The following PRR36 variants were observed in gnomAD, a reference collection of about 807,000 sequenced individuals.
PRR36 encodes the protein proline-rich protein 36.
PRR36 carries 30 observed loss-of-function variants against 58.6 expected under a neutral mutation model. That is an observed-to-expected ratio of 0.51 (90% confidence interval 0.38 to 0.69). PRR36 has a LOEUF of 0.69. Among genes scored for constraint, PRR36 ranks in the 30% least tolerant of loss-of-function variants. The pLI is 0.00. For missense variants in PRR36, 1,692 were observed against 1,805.6 expected, an observed-to-expected ratio of 0.94 and a Z score of 1.14; for synonymous variants, 771 against 829.3, an observed-to-expected ratio of 0.93 and a Z score of 1.21.
rs1297788021 is a variant in PRR36, at chr19:7,873,331, C to T, written c.272-32G>A. On this transcript the variant is annotated intron_variant, in intron 2 of 5. Transcript: ENST00000618550. The surrounding 1 kb of genome is among the most constrained non-coding windows in gnomAD (Gnocchi z 5.0). The stretch of plus-strand genomic sequence containing the variant: ...GGAGAAGGCCGAGTCACAGGTGCCC[C>T]GGAGAGGTGGCAGTGGAGGTGAGAC... 3.9e-6 allele frequency: 6 copies of T among 1,524,060 alleles called. No homozygotes were observed. The highest frequency in any genetic ancestry group is 1.2e-5 in the South Asian group (1 of 82,454). The allele number at this position is 1,524,060 out of a possible 1,614,324, so 94.4% of individuals were successfully genotyped here. A position where few individuals can be genotyped will look rare whatever the true frequency, so the allele number is the denominator to read the frequency against.
rs114226885 is a variant in PRR36 at position 7,874,275 on chromosome 19, G to A, written c.-8+11C>T. ...GCGCCCAGCCTCTCCACCTGCTCGC[G>A]TCGCGCTCACCTCCGCCTCCGGCCT... On this transcript the variant is annotated intron_variant, in intron 1 of 5. Coordinates refer to ENST00000618550, the MANE Select transcript of PRR36 (RefSeq NM_001190467.2). This position sits in a 1 kb window ranked among gnomAD's most constrained non-coding sequence, Gnocchi z 6.0. The A allele has an allele frequency of 0.087, 13,173 of 152,182 alleles. 652 individuals carry two copies. Among genetic ancestry groups the A allele is most frequent in the Middle Eastern group, 0.12 (35 of 292 alleles). 9.4% of individuals were successfully genotyped at this position (152,182 alleles called of 1,614,324 possible).
In PRR36 at chr19:7,870,972, CCA is replaced by C; in HGVS notation, c.2270_2271del (p.Leu757ArgfsTer248). The C allele has an allele frequency of 5.9e-6, 6 of 1,020,066 alleles. No individual in the cohort carries two copies. In the South Asian group the frequency reaches 1.1e-4, roughly 19 times the overall value. The allele number at this position is 1,020,066 out of a possible 1,614,324, so 63.2% of individuals were successfully genotyped here. ...GGCGGGGCTAGAGAAGGTAGGTTCTCCAGAGGGGGTGTGGTCAGGGGAGCAGA... is the reference window on the plus strand; with the variant it reads ...GGCGGGGCTAGAGAAGGTAGGTTCTCGAGGGGGTGTGGTCAGGGGAGCAGA... ...TASAPLTTPPLENLPSLAPPP... is the reference protein window; with the variant it reads ...TASAPLTTPPXENLPSLAPPP... On this transcript the variant is annotated frameshift_variant, in exon 5 of 6. Transcript: ENST00000618550. LOFTEE classifies it high-confidence loss of function.
chr19:7,869,888 A>G lies in PRR36; in HGVS notation c.3356T>C (p.Leu1119Pro). The G allele has an allele frequency of 7.6e-7, 1 of 1,321,828 alleles. No homozygotes were observed. Among genetic ancestry groups the G allele is most frequent in the East Asian group, 3.1e-5 (1 of 31,954 alleles). 81.9% of individuals were successfully genotyped at this position (1,321,828 alleles called of 1,614,324 possible). ...CGTGGCGCTGCTGCTGTGGCCGGCC[A>G]GGTCTGGGCCGCTCAGCGTGCTGGA... ...SPSSTLSGPD[L>P]AGHSSSATST... Residue 1119 changes from leucine to proline, a missense_variant, in exon 5 of 6, where the codon CTG (leucine) becomes CCG (proline). Physicochemically the swap from Leu to Pro is moderately conservative, Grantham distance 98. This residue lies in a region of PRR36 where 485 missense variants were observed against 549.2 expected (regional missense o/e 0.88). Coordinates refer to ENST00000618550, the MANE Select transcript of PRR36 (RefSeq NM_001190467.2).
chr19:7,869,946 G>A lies in PRR36; in HGVS notation c.3298C>T (p.Pro1100Ser). Residue 1100 changes from proline (P) to serine (S), a missense_variant, in exon 5 of 6, where the codon CCC becomes TCC. Physicochemically the swap from Pro to Ser is moderately conservative, Grantham distance 74 (BLOSUM62 -1). Coordinates refer to ENST00000618550, the MANE Select transcript of PRR36 (RefSeq NM_001190467.2). ...SGPRLTLALAPGPPPPPSRSP... is the reference protein window; with the variant it reads ...SGPRLTLALASGPPPPPSRSP... ...CGCGAGGGCGGCGGCGGCGGGCCGG[G>A]GGCCAACGCCAGGGTCAGCCGTGGG... 1 of 1,371,856 alleles carries A rather than the reference G, an allele frequency of 7.3e-7. No homozygotes were observed. The highest frequency in any genetic ancestry group is 9.3e-7 in the Non-Finnish European group (1 of 1,070,036). 85.0% of individuals were successfully genotyped at this position (1,371,856 alleles called of 1,614,324 possible). A position where few individuals can be genotyped will look rare whatever the true frequency, so the allele number is the denominator to read the frequency against.
Position 7,869,142 on chromosome 19 carries a change from G to A in PRR36, c.3932C>T (p.Pro1311Leu), listed in dbSNP as rs1201751392. The A allele has an allele frequency of 1.3e-6, 2 of 1,535,418 alleles. No homozygotes were observed. Among genetic ancestry groups the A allele is most frequent in the Non-Finnish European group, 1.7e-6 (2 of 1,146,678 alleles). ...GATGCTGGCACGGGACTCGTCCAGG[G>A]GAGACAGTAGTTCGGCCCAGCGGCC... ...ELGRWAELLS[P>L]LDESRASITS... The change falls in exon 6 of 6, where the codon CCC becomes CTC. Residue 1311 changes from proline (P) to leucine (L), a missense_variant. Physicochemically the swap from Pro to Leu is moderately conservative, Grantham distance 98. Around this residue, in one of 5 missense-constraint regions of PRR36, gnomAD observed 485 missense variants for 549.2 expected, o/e 0.88. Transcript: ENST00000618550.
chr19:7,869,236 CCCCGCCGCTGCCGCCCGCGGCA>C lies in PRR36; in HGVS notation c.3816_3837del (p.Ala1274GlnfsTer81). 1 of 1,497,962 alleles carries C rather than the reference CCCCGCCGCTGCCGCCCGCGGCA, an allele frequency of 6.7e-7. No individual in the cohort carries two copies. Among genetic ancestry groups the C allele is most frequent in the Non-Finnish European group, 8.8e-7 (1 of 1,132,042 alleles). The allele number at this position is 1,497,962 out of a possible 1,614,324, so 92.8% of individuals were successfully genotyped here. A position where few individuals can be genotyped will look rare whatever the true frequency, so the allele number is the denominator to read the frequency against. On this transcript the variant is annotated frameshift_variant, in exon 6 of 6. Transcript: ENST00000618550. LOFTEE classifies it high-confidence loss of function. ...CCACCACCCTCCGCACCTCCTGGGC[CCCCGCCGCTGCCGCCCGCGGCA>C]CCCTCGGCAGCCGCCAGCAGCAGCG...
In PRR36 at chr19:7,871,318, T is replaced by G. The variant is rs1599589489; in HGVS notation, c.1926A>C (p.Ser642=). 1 of 1,519,074 alleles carries G rather than the reference T, an allele frequency of 6.6e-7. No homozygotes were observed. Among genetic ancestry groups the G allele is most frequent in the Non-Finnish European group, 8.8e-7 (1 of 1,139,682 alleles). 94.1% of individuals were successfully genotyped at this position (1,519,074 alleles called of 1,614,324 possible). Residue 642 remains serine (S), a synonymous_variant, in exon 5 of 6, where the codon TCA becomes TCC. Transcript: ENST00000618550. ...SPRQTQASLI[S]PSRPASTPPD... ...GGGGAGTAGAGGCCGGCCGAGAAGG[T>G]GAGATCAAAGAAGCTTGGGTTTGCC...
chr19:7,873,829 ATCCGCT>A lies in PRR36; in HGVS notation c.-7-139_-7-134del. On this transcript the variant is annotated intron_variant, in intron 1 of 5. Transcript: ENST00000618550. The surrounding 1 kb of genome is among the most constrained non-coding windows in gnomAD (Gnocchi z 5.0). ...CACTCAAACCTCGGCCTCGGCTTCC[ATCCGCT>A]CGGCTCCCACGCACCTACACCCACT... is the stretch of plus-strand genomic sequence containing the variant. 1.2e-6 allele frequency: 1 copy of A among 815,046 alleles called. No homozygotes were observed. Among genetic ancestry groups the A allele is most frequent in the Non-Finnish European group, 1.8e-6 (1 of 549,450 alleles). The allele number at this position is 815,046 out of a possible 1,614,324, so 50.5% of individuals were successfully genotyped here.
rs1428979292 is a variant in PRR36, at chr19:7,869,727, G to A, written c.3517C>T (p.Arg1173Cys). Residue 1173 changes from arginine (R) to cysteine (C), a missense_variant, in exon 5 of 6, where the codon CGC becomes TGC. Physicochemically the swap from Arg to Cys is radical, Grantham distance 180. Coordinates refer to ENST00000618550, the MANE Select transcript of PRR36 (RefSeq NM_001190467.2). Reference sequence around the variant, plus strand: ...GGGTGCCCCTTACCTGGGGCTCCGCGGAAAGCCAGCGGCGGAGCGGGGCCT... The same window carrying A: ...GGGTGCCCCTTACCTGGGGCTCCGCAGAAAGCCAGCGGCGGAGCGGGGCCT... Reference protein sequence around the residue: ...SRGPAPPLAFRGAPGAPLPWP... With the variant: ...SRGPAPPLAFCGAPGAPLPWP... 2.2e-5 allele frequency: 29 copies of A among 1,344,684 alleles called. No individual in the cohort carries two copies. In the South Asian group the frequency reaches 4.7e-4, roughly 22 times the overall value. 83.3% of individuals were successfully genotyped at this position (1,344,684 alleles called of 1,614,324 possible).
In PRR36 at chr19:7,871,518, TA is replaced by T; in HGVS notation, c.1725del (p.Met576CysfsTer19). On this transcript the variant is annotated frameshift_variant, in exon 5 of 6. Transcript: ENST00000618550. LOFTEE classifies it high-confidence loss of function. ...PQAPPSMTTPPMQAPPSLQTI... is the reference protein window; with the variant it reads ...PQAPPSMTTPXMQAPPSLQTI... Reference sequence around the variant, plus strand: ...GTCTGGAGAGAGGGCGGGGCCTGCATAGGGGGCGTAGTCATAGAAGGTGGGG... The same window carrying T: ...GTCTGGAGAGAGGGCGGGGCCTGCATGGGGGCGTAGTCATAGAAGGTGGGG... 2.0e-6 allele frequency: 3 copies of T among 1,522,296 alleles called. No homozygotes were observed. The highest frequency in any genetic ancestry group is 2.6e-6 in the Non-Finnish European group (3 of 1,142,342). 94.3% of individuals were successfully genotyped at this position (1,522,296 alleles called of 1,614,324 possible). A position where few individuals can be genotyped will look rare whatever the true frequency, so the allele number is the denominator to read the frequency against.
Position 7,872,385 on chromosome 19 carries a change from G to A in PRR36, c.859C>T (p.Pro287Ser). The change falls in exon 5 of 6, where the codon CCC becomes TCC. Residue 287 changes from proline (P) to serine (S), a missense_variant. Pro to Ser is a moderately conservative substitution (Grantham distance 74). Around this residue, in one of 5 missense-constraint regions of PRR36, gnomAD observed 975 missense variants for 955.2 expected, o/e 1.02. Transcript: ENST00000618550. The surrounding 1 kb of genome is among the most constrained non-coding windows in gnomAD (Gnocchi z 6.1). ...GCTGGGGCTGCGTCCTTCCTTGGGG[G>A]TGTGACCTGAGGGGGTCGCAGAGCC... is the stretch of plus-strand genomic sequence containing the variant. ...LQALRPPQVT[P>S]PRKDAAPALG... 6.9e-7 allele frequency: 1 copy of A among 1,451,332 alleles called. No homozygotes were observed. Among genetic ancestry groups the A allele is most frequent in the Non-Finnish European group, 9.0e-7 (1 of 1,108,038 alleles). 89.9% of individuals were successfully genotyped at this position (1,451,332 alleles called of 1,614,324 possible).
rs56831289 is a variant in PRR36, at chr19:7,870,169, C to T, written c.3075G>A (p.Pro1025=). 9 of 1,319,440 alleles carry T rather than the reference C, an allele frequency of 6.8e-6. No homozygotes were observed. The highest frequency in any genetic ancestry group is 3.3e-5 in the East Asian group (1 of 30,210). The allele number at this position is 1,319,440 out of a possible 1,614,324, so 81.7% of individuals were successfully genotyped here. The change falls in exon 5 of 6, where the codon CCG becomes CCA. Residue 1025 remains proline (P), a synonymous_variant. Transcript: ENST00000618550. ...GGGCCTGCCCAGGGAATGAGGCAGG[C>T]GGAGAGGGAAGGGCCTGCAGAGGAG... ...ATPPLQALPS[P]PASFPGQAPF...
Position 7,869,913 on chromosome 19 carries a change from A to G in PRR36, c.3331T>C (p.Ser1111Pro). ...GPPPPPSRSP[S>P]STLSGPDLAG... is the part of the protein sequence containing the mutation. ...AGGTCTGGGCCGCTCAGCGTGCTGG[A>G]CGGGCTGCGCGAGGGCGGCGGCGGC... Residue 1111 changes from serine (S) to proline (P), a missense_variant, in exon 5 of 6, where the codon TCC becomes CCC. By Grantham distance (74) the Ser-to-Pro change is moderately conservative (BLOSUM62 -1). Transcript: ENST00000618550. 1 of 1,363,964 alleles carries G rather than the reference A, an allele frequency of 7.3e-7. No individual in the cohort carries two copies. The highest frequency in any genetic ancestry group is 9.4e-7 in the Non-Finnish European group (1 of 1,065,734). The allele number at this position is 1,363,964 out of a possible 1,614,324, so 84.5% of individuals were successfully genotyped here.
Position 7,869,260 on chromosome 19 carries a change from C to T in PRR36, c.3814G>A (p.Gly1272Ser), listed in dbSNP as rs1980252858. The T allele has an allele frequency of 1.4e-6, 2 of 1,470,970 alleles. No homozygotes were observed. The highest frequency in any genetic ancestry group is 1.8e-6 in the Non-Finnish European group (2 of 1,121,634). 91.1% of individuals were successfully genotyped at this position (1,470,970 alleles called of 1,614,324 possible). ...CCCCCGCCGCTGCCGCCCGCGGCAC[C>T]CTCGGCAGCCGCCAGCAGCAGCGTC... ...SRTLLLAAAE[G>S]AAGGSGGGPG... Residue 1272 changes from glycine (G) to serine (S), a missense_variant, in exon 6 of 6, where the codon GGT (glycine) becomes AGT (serine). This residue lies in a region of PRR36 where 485 missense variants were observed against 549.2 expected (regional missense o/e 0.88). Coordinates refer to ENST00000618550, the MANE Select transcript of PRR36 (RefSeq NM_001190467.2).
chr19:7,871,724 G>A lies in PRR36; in HGVS notation c.1520C>T (p.Ser507Phe). 2 of 1,535,996 alleles carry A rather than the reference G, an allele frequency of 1.3e-6. No individual in the cohort carries two copies. The highest frequency in any genetic ancestry group is 1.7e-6 in the Non-Finnish European group (2 of 1,146,864). ...PQASPSPSPP[S>F]LQATPHTLAT... ...CAGAGTGTGGGGCGTGGCCTGGAGAGAGGGCGGAGACGGGGAAGGACTGGC... is the reference window on the plus strand; with the variant it reads ...CAGAGTGTGGGGCGTGGCCTGGAGAAAGGGCGGAGACGGGGAAGGACTGGC... The change falls in exon 5 of 6, where the codon TCT becomes TTT. Residue 507 changes from serine (S) to phenylalanine (F), a missense_variant. Ser to Phe is a radical substitution (Grantham distance 155). This residue lies in a region of PRR36 where 975 missense variants were observed against 955.2 expected (regional missense o/e 1.02). Coordinates refer to ENST00000618550, the MANE Select transcript of PRR36 (RefSeq NM_001190467.2).
In PRR36 at chr19:7,871,929, C is replaced by T. The variant is rs1225301835; in HGVS notation, c.1315G>A (p.Ala439Thr). The T allele has an allele frequency of 7.2e-6, 11 of 1,535,558 alleles. No homozygotes were observed. The highest frequency in any genetic ancestry group is 1.4e-5 in the African/African-American group (1 of 72,948). The change falls in exon 5 of 6, where the codon GCT (alanine) becomes ACT (threonine). Residue 439 changes from alanine to threonine, a missense_variant. Physicochemically the swap from Ala to Thr is moderately conservative, Grantham distance 58. Around this residue, in one of 5 missense-constraint regions of PRR36, gnomAD observed 975 missense variants for 955.2 expected, o/e 1.02. Coordinates refer to ENST00000618550, the MANE Select transcript of PRR36 (RefSeq NM_001190467.2). ...GGAAGAGAGGGCAACGCTGGATTAG[C>T]TTGGGTGGGGGGCATACTCTGCAGA... ...SPLQSMPPTQ[A>T]NPALPSLPTL...
chr19:7,872,419 T>G lies in PRR36; in HGVS notation c.825A>C (p.Lys275Asn). 6.9e-7 allele frequency: 1 copy of G among 1,451,550 alleles called. No individual in the cohort carries two copies. The highest frequency in any genetic ancestry group is 9.0e-7 in the Non-Finnish European group (1 of 1,108,254). 89.9% of individuals were successfully genotyped at this position (1,451,550 alleles called of 1,614,324 possible). Residue 275 changes from lysine to asparagine, a missense_variant, in exon 5 of 6, where the codon AAA becomes AAC. This residue lies in a region of PRR36 where 975 missense variants were observed against 955.2 expected (regional missense o/e 1.02). Transcript: ENST00000618550. This position sits in a 1 kb window ranked among gnomAD's most constrained non-coding sequence, Gnocchi z 6.1. The part of the protein sequence containing the change: ...APAHPSQPKP[K>N]GLQALRPPQV... Reference sequence around the variant, plus strand: ...GAGGGGGTCGCAGAGCCTGCAGTCCTTTCGGCTTGGGCTGCGAGGGATGCG... The same window carrying G: ...GAGGGGGTCGCAGAGCCTGCAGTCCGTTCGGCTTGGGCTGCGAGGGATGCG...
In PRR36 at chr19:7,872,029, G is replaced by A; in HGVS notation, c.1215C>T (p.Ser405=). 1 of 1,535,506 alleles carries A rather than the reference G, an allele frequency of 6.5e-7. No individual in the cohort carries two copies. The highest frequency in any genetic ancestry group is 2.4e-5 in the East Asian group (1 of 40,866). The change falls in exon 5 of 6, where the codon TCC becomes TCT. Residue 405 remains serine, a synonymous_variant. Transcript: ENST00000618550. The surrounding 1 kb of genome is among the most constrained non-coding windows in gnomAD (Gnocchi z 6.1). The stretch of plus-strand genomic sequence containing the variant: ...GGGAAGAGACGCCTGCTTCTGGAAA[G>A]GACATAATCAGCTGTGTGGGTGGAA... The part of the protein sequence containing the change: ...SQVPPTQLIM[S]FPEAGVSSLA...
At position 7,872,632 on chromosome 19, in the gene PRR36, G is replaced by A. The variant is rs762200781; in HGVS notation, c.612C>T (p.Gly204=). 8 of 1,490,894 alleles carry A rather than the reference G, an allele frequency of 5.4e-6. 1 individual carries two copies. In the South Asian group the frequency reaches 9.0e-5, roughly 17 times the overall value. 92.4% of individuals were successfully genotyped at this position (1,490,894 alleles called of 1,614,324 possible). A position where few individuals can be genotyped will look rare whatever the true frequency, so the allele number is the denominator to read the frequency against. Residue 204 remains glycine, a synonymous_variant, in exon 5 of 6, where the codon GGC becomes GGT. Coordinates refer to ENST00000618550, the MANE Select transcript of PRR36 (RefSeq NM_001190467.2). The surrounding 1 kb of genome is among the most constrained non-coding windows in gnomAD (Gnocchi z 6.1). ...PSARPRPPTE[G]PRKSVSSASE... ...AGGCGCTGCTCACTGATTTCCGGGG[G>A]CCCTCTGTCGGGGGCCGTGGCCGGG... is the stretch of plus-strand genomic sequence containing the variant.
Sources: gnomAD v4.1 joint callset for allele counts on GRCh38, gnomAD v4.1.1 for gene constraint, gnomAD v4.1.1 regional missense constraint, Gnocchi (gnomAD v3.1) non-coding constraint, MANE v1.5 for transcripts, NCBI Gene and HGNC (gene_info 2026-07-23, HGNC 2026-07-21) for gene names.